Variants in RBFOX1 observed in about 807,000 individuals in gnomAD.
RBFOX1 encodes the protein RNA binding protein fox-1 homolog 1.
RBFOX1 carries 8 observed loss-of-function variants against 57.7 expected under a neutral mutation model. That is an observed-to-expected ratio of 0.14 (90% CI 0.08 to 0.25). The LOEUF (loss-of-function observed/expected upper bound fraction) is 0.25, where lower values mean the gene tolerates loss of function less well. RBFOX1 is among the 10% of genes least tolerant of loss of function. The pLI, the probability that RBFOX1 is intolerant of heterozygous loss-of-function variation, is 1.00. For synonymous variants in RBFOX1, 326 were observed against 222.4 expected (o/e 1.47, Z -4.15); for missense variants, 611 against 548.5 (o/e 1.11, Z -1.14).
intron 3 of RBFOX1, among the ~76,000 whole-genome samples, chr16:7,030,192 T>G (rs1198890133): frequency 6.6e-6 from 1 of 152,196 alleles, no homozygotes; most frequent in Non-Finnish European, 1.5e-5. Flanking sequence ...ATGGCATTTT[T>G]TCTAAATGGT....
intron 3 of RBFOX1, among the ~76,000 whole-genome samples, chr16:7,006,205 A>T (rs2093284919): frequency 6.6e-6 from 1 of 152,016 alleles, no homozygotes; most frequent in Admixed American, 6.5e-5. Context: ...GCCAGGCTGG[A>T]GTGCAGTGGC....
intron 3 of RBFOX1, among the ~76,000 whole-genome samples, chr16:6,869,909 C>G (rs757161217): frequency 9.9e-5 from 15 of 152,138 alleles, no homozygotes; most frequent in Non-Finnish European, 1.3e-4. Context: ...CAATTCAAAG[C>G]CATAAATTAC....
intron 4 of RBFOX1, among the ~76,000 whole-genome samples, chr16:5,978,993 C>G (rs1410961627): frequency 6.6e-6 from 1 of 152,180 alleles, no homozygotes; most frequent in Non-Finnish European, 1.5e-5. Context: ...AGTTATGGTG[C>G]TAAGAAAGTT....
intron 11 of RBFOX1, among the ~76,000 whole-genome samples, chr16:7,633,866 G>A (rs2142916366): frequency 6.6e-6 from 1 of 152,260 alleles, no homozygotes; most frequent in East Asian, 1.9e-4. Flanking sequence ...GCTGTTTGTG[G>A]ATTGCTGGCT....
intron 4 of RBFOX1, among the ~76,000 whole-genome samples, chr16:5,886,733 C>A (rs771904028): frequency 6.6e-6 from 1 of 152,118 alleles, no homozygotes; most frequent in Non-Finnish European, 1.5e-5. Context: ...ACTTAAAATA[C>A]AAAAATTAGC....
At chr16:6,538,434 G>C (rs1439150011) in intron 2 of RBFOX1, among the ~76,000 whole-genome samples, 1 of 152,198 alleles carries the variant, frequency 6.6e-6, no homozygotes, top group Non-Finnish European at 1.5e-5. Context: ...CGAGGCTGCA[G>C]TGAGTGGTGA....
intron 2 of RBFOX1, among the ~76,000 whole-genome samples, chr16:6,391,388 T>C (rs2092593732): frequency 6.6e-6 from 1 of 151,672 alleles, no homozygotes; most frequent in Non-Finnish European, 1.5e-5. Context: ...CGGGCACCTG[T>C]AGTCCCAGCT....
At chr16:6,129,691 A>T (rs1342234849) in intron 1 of RBFOX1, among the ~76,000 whole-genome samples, 1 of 131,700 alleles carries the variant, frequency 7.6e-6, no homozygotes, top group Non-Finnish European at 1.6e-5. Context: ...CAGGTTAAAT[A>T]CAGGTAGAAT....
intron 4 of RBFOX1, among the ~76,000 whole-genome samples, chr16:7,356,315 C>T (rs1206239439): frequency 6.6e-6 from 1 of 152,082 alleles, no homozygotes; most frequent in Non-Finnish European, 1.5e-5. Flanking sequence ...CAACAAAAGA[C>T]TGAAATGAGA....
chr16:7,023,470 A>T (rs980670643), intron 3 of RBFOX1, among the ~76,000 whole-genome samples: 4 of 150,024 alleles, frequency 2.7e-5, no homozygotes, highest in African/African-American at 7.4e-5. Flanking sequence ...AAAAAAAAAA[A>T]GAGAGAAATG....
intron 2 of RBFOX1, among the ~76,000 whole-genome samples, chr16:6,408,495 G>A (rs568876797): frequency 6.6e-6 from 1 of 152,240 alleles, no homozygotes; most frequent in African/African-American, 2.4e-5. Context: ...ACCTGCCTGG[G>A]TCCTTTTCTC....
chr16:5,993,643 T>A (rs2060444251), intron 4 of RBFOX1, among the ~76,000 whole-genome samples: 1 of 152,146 alleles, frequency 6.6e-6, no homozygotes, highest in South Asian at 2.1e-4. Flanking sequence ...TAGTTCTCCA[T>A]CAAGGAGCCA....
At chr16:6,684,460 C>T (rs1431439461) in intron 3 of RBFOX1, among the ~76,000 whole-genome samples, 2 of 152,220 alleles carry the variant, frequency 1.3e-5, no homozygotes, top group Admixed American at 6.5e-5. Flanking sequence ...TTGCTGGCCA[C>T]GGCAAACCTC....
intron 4 of RBFOX1, among the ~76,000 whole-genome samples, chr16:7,244,293 C>T (rs2094199432): frequency 7.1e-6 from 1 of 140,722 alleles, no homozygotes; most frequent in Admixed American, 7.2e-5. Flanking sequence ...TTTTCATTAA[C>T]TACACTTCAG....
At chr16:7,233,736 G>C (rs905887262) in intron 4 of RBFOX1, among the ~76,000 whole-genome samples, 2 of 152,188 alleles carry the variant, frequency 1.3e-5, no homozygotes, top group East Asian at 3.8e-4. Flanking sequence ...ATATGTGTCA[G>C]AGAAACATAA....
At chr16:6,402,585 A>C (rs1450801425) in intron 2 of RBFOX1, among the ~76,000 whole-genome samples, 1 of 152,110 alleles carries the variant, frequency 6.6e-6, no homozygotes, top group Non-Finnish European at 1.5e-5. Context: ...TTTGTCCTTG[A>C]CCTATACATT....
intron 1 of RBFOX1, among the ~76,000 whole-genome samples, chr16:6,309,747 G>C (rs569154082): frequency 6.6e-6 from 1 of 152,116 alleles, no homozygotes; most frequent in East Asian, 1.9e-4. Context: ...GAGGCTGGGA[G>C]GAACAGAAGC....
chr16:6,462,741 T>C (rs1167720492), intron 2 of RBFOX1, among the ~76,000 whole-genome samples: 2 of 151,108 alleles, frequency 1.3e-5, no homozygotes, highest in Admixed American at 1.3e-4. Flanking sequence ...TTTGAAGTCT[T>C]CCCGACGCTA....
At chr16:6,057,503 CT>C (rs2095628886) in intron 1 of RBFOX1, among the ~76,000 whole-genome samples, 1 of 151,966 alleles carries the variant, frequency 6.6e-6, no homozygotes, top group Non-Finnish European at 1.5e-5. Flanking sequence ...CTGGGTTAGG[CT>C]TTGGGAATAC....
Sources: gnomAD v4.1 joint callset for allele counts (sites outside exome capture counted in the v4.1 genomes callset) on GRCh38, gnomAD v4.1.1 for gene constraint, MANE v1.5 for transcripts, NCBI Gene and HGNC (gene_info 2026-07-23, HGNC 2026-07-21) for gene names.